The following SNX24 variants were observed in gnomAD, a reference collection of about 807,000 sequenced individuals.
SNX24 encodes the protein sorting nexin 24.
SNX24 carries 22 observed loss-of-function variants against 28.7 expected under a neutral mutation model. The observed-to-expected ratio is 0.77, with a 90% CI of 0.55 to 1.10. SNX24 has a LOEUF of 1.10. Ranked by LOEUF, SNX24 falls within the 50% of genes least tolerant of loss-of-function variation. The pLI is 0.00. For synonymous variants in SNX24, 69 were observed against 71.5 expected (o/e 0.96, Z 0.18); for missense variants, 221 against 201.1 (o/e 1.10, Z -0.60).
chr5:122,881,646 T>C (rs1386891115), intron 1 of SNX24, among the ~76,000 whole-genome samples: 1 of 152,102 alleles, frequency 6.6e-6, no homozygotes, highest in Admixed American at 6.6e-5. Context: ...AGATTCCTCA[T>C]CTACTGAGTA....
At chr5:122,959,682 A>G (rs1467681516) in intron 3 of SNX24, among the ~76,000 whole-genome samples, 3 of 149,776 alleles carry the variant, frequency 2.0e-5, no homozygotes, top group Admixed American at 6.6e-5. Flanking sequence ...TTTTTTTTTT[A>G]TTTTTTTGAT....
chr5:122,981,849 T>C (rs1244903631), intron 3 of SNX24, among the ~76,000 whole-genome samples: 17 of 152,212 alleles, frequency 1.1e-4, no homozygotes, highest in Non-Finnish European at 1.5e-5. Context: ...TCTTATCCAT[T>C]AGTCTTTGAC....
intron 1 of SNX24, among the ~76,000 whole-genome samples, chr5:122,895,402 G>A (rs568589989): frequency 6.6e-6 from 1 of 152,294 alleles, no homozygotes; most frequent in Admixed American, 6.5e-5. Context: ...CCAGTGGAAA[G>A]CTCAGTGCTG....
intron 5 of SNX24, among the ~76,000 whole-genome samples, chr5:123,015,195 GAAC>G (rs1425329116): frequency 2.6e-5 from 4 of 152,236 alleles, no homozygotes; most frequent in African/African-American, 9.6e-5. Flanking sequence ...TCAATGTGAA[GAAC>G]AACTGTTGAA....
At chr5:123,000,300 CTAAT>C (rs2150175393) in intron 4 of SNX24, among the ~76,000 whole-genome samples, 1 of 152,336 alleles carries the variant, frequency 6.6e-6, no homozygotes, top group South Asian at 2.1e-4. Context: ...AATTATGAAT[CTAAT>C]TAACTTGTTA....
intron 1 of SNX24, among the ~76,000 whole-genome samples, chr5:122,926,384 G>A (rs1170754060): frequency 1.3e-5 from 2 of 152,152 alleles, no homozygotes; most frequent in African/African-American, 4.8e-5. Flanking sequence ...TTGCTGCAGG[G>A]CAGGAGTGAA....
At chr5:122,996,415 A>T (rs1055725471) in intron 3 of SNX24, among the ~76,000 whole-genome samples, 1 of 152,214 alleles carries the variant, frequency 6.6e-6, no homozygotes, top group African/African-American at 2.4e-5. Flanking sequence ...CCTGCCACTG[A>T]AAGCACAATT....
At chr5:122,967,640 A>G (rs992221585) in intron 3 of SNX24, among the ~76,000 whole-genome samples, 2 of 152,220 alleles carry the variant, frequency 1.3e-5, no homozygotes, top group Admixed American at 6.5e-5. Flanking sequence ...ACAAGTTGAA[A>G]TGTCAGACTG....
chr5:122,918,600 C>G lies in SNX24; in HGVS notation c.61-18134C>G, dbSNP rs79406423. Among the ~76,000 whole-genome samples the G allele has an allele frequency of 6.4e-3, 971 of 152,206 alleles. 9 individuals are homozygous for G. The highest frequency in any genetic ancestry group is 0.06 in the East Asian group (309 of 5,182). On this transcript the variant is annotated intron_variant, in intron 1 of 6. Coordinates refer to ENST00000261369, the MANE Select transcript of SNX24 (RefSeq NM_014035.4). ...GAATTTGTAAAATATCTTACTCTGT[C>G]CTGTGTCTAGTACACAGCCTAGCAT...
intron 1 of SNX24, among the ~76,000 whole-genome samples, chr5:122,885,202 T>A (rs74443638): frequency 6.6e-6 from 1 of 152,118 alleles, no homozygotes; most frequent in East Asian, 1.9e-4. Flanking sequence ...GTCCTCTGTA[T>A]TGGGGGCTTC....
chr5:122,896,770 A>G (rs1757221186), intron 1 of SNX24, among the ~76,000 whole-genome samples: 1 of 152,228 alleles, frequency 6.6e-6, no homozygotes, highest in African/African-American at 2.4e-5. Context: ...AATAGGCCAC[A>G]GCTTGTTTAT....
At chr5:122,940,955 C>T (rs750642577) in intron 2 of SNX24, among the ~76,000 whole-genome samples, 3 of 152,144 alleles carry the variant, frequency 2.0e-5, no homozygotes, top group African/African-American at 7.2e-5. Flanking sequence ...CACCATTCCT[C>T]GTCTCGTGGC....
At chr5:122,998,351 GT>G (rs1762123197) in intron 3 of SNX24, 1 of 152,098 alleles carries the variant, frequency 6.6e-6, no homozygotes, top group African/African-American at 2.4e-5. Context: ...AGTTTAAGTT[GT>G]TGTTTAGTGT....
intron 5 of SNX24, among the ~76,000 whole-genome samples, chr5:123,019,510 AATTG>A (rs1351857576): frequency 5.3e-5 from 8 of 152,254 alleles, no homozygotes; most frequent in Non-Finnish European, 1.2e-4. Flanking sequence ...GAAATAAAGT[AATTG>A]ATAATTCCAA....
At chr5:122,943,473 C>T (rs113763030) in intron 2 of SNX24, among the ~76,000 whole-genome samples, 3 of 152,332 alleles carry the variant, frequency 2.0e-5, no homozygotes, top group Non-Finnish European at 2.9e-5. Context: ...GCTACTCCCC[C>T]TCTTCCCCCA....
chr5:122,938,072 A>G (rs185009), intron 2 of SNX24, among the ~76,000 whole-genome samples: 116,899 of 151,902 alleles, frequency 0.77, 45,851 homozygotes, highest in East Asian at 0.99. Context: ...TCCCAAGTCA[A>G]CACCTAGGAC....
At chr5:122,927,074 A>G (rs1758731670) in intron 1 of SNX24, among the ~76,000 whole-genome samples, 1 of 152,238 alleles carries the variant, frequency 6.6e-6, no homozygotes, top group South Asian at 2.1e-4. Context: ...TTCTTGCTAA[A>G]TGCCAGATAG....
intron 1 of SNX24, among the ~76,000 whole-genome samples, chr5:122,889,707 ATGTATATATATATGTATG>A (rs1470769708): frequency 2.6e-5 from 3 of 113,622 alleles, no homozygotes; most frequent in African/African-American, 3.8e-5. Context: ...GTGTATATAT[ATGTATATATATATGTATG>A]TGTATATATA....
rs1264851642 is a variant in SNX24 at position 122,914,047 on chromosome 5, C to T, written c.61-22687C>T. Among the ~76,000 whole-genome samples, 8 of 152,048 alleles carry T rather than the reference C, an allele frequency of 5.3e-5. No individual in the cohort carries two copies. In the East Asian group the frequency reaches 1.3e-3, roughly 26 times the overall value. On this transcript the variant is annotated intron_variant, in intron 1 of 6. Coordinates refer to ENST00000261369, the MANE Select transcript of SNX24 (RefSeq NM_014035.4). Reference sequence around the variant, plus strand: ...ATCAGGCAGGGAGGTTGCAGTGAGCCGAGATGGCAGCAGTACAGTCCAGCT... The same window carrying T: ...ATCAGGCAGGGAGGTTGCAGTGAGCTGAGATGGCAGCAGTACAGTCCAGCT...
Sources: allele counts gnomAD v4.1 joint callset (sites outside exome capture counted in the v4.1 genomes callset), GRCh38; gene constraint gnomAD v4.1.1; transcripts MANE v1.5; gene names NCBI Gene and HGNC (gene_info 2026-07-23, HGNC 2026-07-21).